The following SLC31A1 variants were observed in gnomAD, a reference collection of about 807,000 sequenced individuals.
The protein encoded by SLC31A1 is high affinity copper uptake protein 1.
SLC31A1 carries 5 observed loss-of-function variants against 17.2 expected under a neutral mutation model. The ratio of observed to expected loss-of-function variants is 0.29; its 90% CI spans 0.15 to 0.61. The LOEUF is 0.61. Ranked by LOEUF, SLC31A1 falls within the 20% of genes least tolerant of loss-of-function variation. SLC31A1 has a pLI of 0.86. For missense variants in SLC31A1, 161 were observed against 241.4 expected, an observed-to-expected ratio of 0.67 and a Z score of 2.21; for synonymous variants, 76 against 78.8, an observed-to-expected ratio of 0.96 and a Z score of 0.19.
At position 113,236,925 on chromosome 9, in the gene SLC31A1, G is replaced by GAAGGGA. The variant is rs373450717; in HGVS notation, c.-36+15248_-36+15249insAGGGAA. Among the ~76,000 whole-genome samples, 1,361 of 152,298 alleles carry GAAGGGA rather than the reference G, an allele frequency of 8.9e-3. 21 individuals are homozygous for GAAGGGA. Among genetic ancestry groups the GAAGGGA allele is most frequent in the African/African-American group, 0.031 (1,297 of 41,550 alleles). On this transcript the variant is annotated intron_variant, in intron 1 of 4. Coordinates refer to ENST00000374212, the MANE Select transcript of SLC31A1 (RefSeq NM_001859.4). ...CACTGTTGAGTCAGTGTTTGAGAGT[G>GAAGGGA]ACAGCACTGTGACAACATTCAGCAT...
chr9:113,242,851 G>T (rs948795651), intron 1 of SLC31A1, among the ~76,000 whole-genome samples: 1 of 152,180 alleles, frequency 6.6e-6, no homozygotes. Context: ...ACCACTTAAA[G>T]GTCAATAGCA....
intron 1 of SLC31A1, among the ~76,000 whole-genome samples, chr9:113,238,598 C>G (rs1831489143): frequency 6.6e-6 from 1 of 152,134 alleles, no homozygotes; most frequent in Non-Finnish European, 1.5e-5. Flanking sequence ...CCTGTTTCTA[C>G]TAAAAATACA....
At chr9:113,249,973 G>A (rs1213819530) in intron 1 of SLC31A1, among the ~76,000 whole-genome samples, 6 of 150,944 alleles carry the variant, frequency 4.0e-5, no homozygotes, top group African/African-American at 9.8e-5. Flanking sequence ...CAAAACCACA[G>A]TGAGATACCA....
At chr9:113,252,950 T>C (rs1831673569) in intron 1 of SLC31A1, among the ~76,000 whole-genome samples, 2 of 110,790 alleles carry the variant, frequency 1.8e-5, no homozygotes, top group South Asian at 3.6e-4. Flanking sequence ...TCTTTTCTTT[T>C]TTTCTTTTTT....
intron 1 of SLC31A1, among the ~76,000 whole-genome samples, chr9:113,249,024 A>G (rs770202830): frequency 1.7e-4 from 26 of 152,124 alleles, no homozygotes; most frequent in Non-Finnish European, 3.2e-4. Flanking sequence ...ATCTCATATA[A>G]TCCTCCCAAG....
At chr9:113,236,987 A>T (rs1213528166) in intron 1 of SLC31A1, among the ~76,000 whole-genome samples, 4 of 152,254 alleles carry the variant, frequency 2.6e-5, no homozygotes, top group African/African-American at 9.6e-5. Context: ...ATCAGAGATG[A>T]TCTGATATTT....
intron 1 of SLC31A1, among the ~76,000 whole-genome samples, chr9:113,253,984 G>GTTTTTTTTTTTTTTTT: frequency 1.2e-5 from 1 of 83,634 alleles, no homozygotes; most frequent in Non-Finnish European, 2.3e-5. Flanking sequence ...TTTTGAGATA[G>GTTTTTTTTTTTTTTTT]TCTCCTGTCA....
intron 1 of SLC31A1, among the ~76,000 whole-genome samples, chr9:113,236,179 C>T (rs544724969): frequency 1.1e-4 from 17 of 151,838 alleles, no homozygotes; most frequent in African/African-American, 3.4e-4. Context: ...GTAGAGACAG[C>T]GTTTTGCCAT....
chr9:113,258,629 C>A lies in SLC31A1; in HGVS notation c.203-65C>A. 2 of 1,549,552 alleles carry A rather than the reference C, an allele frequency of 1.3e-6. No homozygotes were observed. The highest frequency in any genetic ancestry group is 1.1e-5 in the South Asian group (1 of 89,616). ...TTTTCTATGTGTCTTTCTAGCTGGA[C>A]AGCACATTGGCTAATGATTTTGCAC... On this transcript the variant is annotated intron_variant, in intron 3 of 4. Transcript: ENST00000374212. This position sits in a 1 kb window ranked among gnomAD's most constrained non-coding sequence, Gnocchi z 4.8.
intron 1 of SLC31A1, among the ~76,000 whole-genome samples, chr9:113,253,958 C>CTTTTTTTTTTTT (rs397967653): frequency 3.6e-5 from 4 of 110,402 alleles, no homozygotes; most frequent in Admixed American, 1.1e-4. Context: ...TACCCACAGT[C>CTTTTTTTTTTTT]TTTTTTTTTT....
At chr9:113,228,637 G>A (rs1012945988) in intron 1 of SLC31A1, among the ~76,000 whole-genome samples, 1 of 152,176 alleles carries the variant, frequency 6.6e-6, no homozygotes, top group African/African-American at 2.4e-5. Context: ...AACAGGATAT[G>A]TAAAGCTCAG....
At chr9:113,221,980 G>A (rs1270192851) in intron 1 of SLC31A1, among the ~76,000 whole-genome samples, 2 of 152,144 alleles carry the variant, frequency 1.3e-5, no homozygotes, top group East Asian at 3.9e-4. Flanking sequence ...TTTCAATCCC[G>A]GCCTCCTCGT....
rs1459065287 is a variant in SLC31A1, at chr9:113,221,572, A to G, written c.-142A>G. ...TCCTCGGCCTCGGTGGCGGTGGTGG[A>G]CACGTCGAGCCGGGTAGAAGTGGAG... On this transcript the variant is annotated 5_prime_UTR_variant, in exon 1 of 5. Transcript: ENST00000374212. 3 of 444,592 alleles carry G rather than the reference A, an allele frequency of 6.7e-6. No individual in the cohort carries two copies. The highest frequency in any genetic ancestry group is 1.3e-5 in the Non-Finnish European group (3 of 237,524). The allele number at this position is 444,592 out of a possible 1,614,324, so 27.5% of individuals were successfully genotyped here. A position where few individuals can be genotyped will look rare whatever the true frequency, so the allele number is the denominator to read the frequency against.
At chr9:113,242,315 T>C (rs760206836) in intron 1 of SLC31A1, among the ~76,000 whole-genome samples, 32 of 152,358 alleles carry the variant, frequency 2.1e-4, no homozygotes, top group Admixed American at 3.3e-4. Flanking sequence ...GGGATGTGTT[T>C]CCTAGGAGTG....
intron 2 of SLC31A1, among the ~76,000 whole-genome samples, chr9:113,256,897 G>A (rs1165845050): frequency 6.6e-6 from 1 of 151,802 alleles, no homozygotes; most frequent in Non-Finnish European, 1.5e-5. Flanking sequence ...TTGATGGTGG[G>A]GGCCCAGGAG....
chr9:113,251,430 A>T (rs10817469), intron 1 of SLC31A1, among the ~76,000 whole-genome samples: 11,872 of 152,018 alleles, frequency 0.078, 582 homozygotes, highest in South Asian at 0.14. Flanking sequence ...TAAAAAAATA[A>T]AAAATAAAAA....
At position 113,256,164 on chromosome 9, in the gene SLC31A1, C is replaced by T. The variant is rs775471411; in HGVS notation, c.16C>T (p.His6Tyr). MDHSH[H>Y]MGMSYMDSNS... Reference sequence around the variant, plus strand: ...CCTGGAAAAAATGGATCATTCCCACCATATGGGGATGAGCTATATGGACTC... The same window carrying T: ...CCTGGAAAAAATGGATCATTCCCACTATATGGGGATGAGCTATATGGACTC... The change falls in exon 2 of 5, where the codon CAT becomes TAT. Residue 6 changes from histidine (H) to tyrosine (Y), a missense_variant. Physicochemically the swap from His to Tyr is moderately conservative, Grantham distance 83. Coordinates refer to ENST00000374212, the MANE Select transcript of SLC31A1 (RefSeq NM_001859.4). 3 of 1,612,284 alleles carry T rather than the reference C, an allele frequency of 1.9e-6. No individual in the cohort carries two copies. The highest frequency in any genetic ancestry group is 2.5e-6 in the Non-Finnish European group (3 of 1,179,940).
chr9:113,249,479 G>A (rs1831622109), intron 1 of SLC31A1, among the ~76,000 whole-genome samples: 1 of 151,688 alleles, frequency 6.6e-6, no homozygotes, highest in Non-Finnish European at 1.5e-5. Context: ...CAATTATCCT[G>A]CCTCAGCCTC....
intron 1 of SLC31A1, among the ~76,000 whole-genome samples, chr9:113,251,502 T>G (rs1343649091): frequency 6.6e-6 from 1 of 150,856 alleles, no homozygotes; most frequent in Non-Finnish European, 1.5e-5. Context: ...TGAGTACCCA[T>G]TTTTATTTTG....
Sources: allele counts gnomAD v4.1 joint callset (sites outside exome capture counted in the v4.1 genomes callset), GRCh38; gene constraint gnomAD v4.1.1; non-coding constraint Gnocchi (gnomAD v3.1); transcripts MANE v1.5; gene names NCBI Gene and HGNC (gene_info 2026-07-23, HGNC 2026-07-21).